SEMA3C: variants seen among roughly 807,000 people sequenced by gnomAD.
The protein encoded by SEMA3C is semaphorin 3C, also known as semaphorin-3C.
In SEMA3C, 47 loss-of-function variants were observed where a neutral mutation model predicts 89.4. That is an observed-to-expected ratio of 0.53 (90% CI 0.42 to 0.67). The LOEUF (loss-of-function observed/expected upper bound fraction) is 0.67, where lower values mean the gene tolerates loss of function less well. Ranked by LOEUF, SEMA3C falls within the 30% of genes least tolerant of loss-of-function variation. The pLI is 0.00. For synonymous variants in SEMA3C, 310 were observed against 320.2 expected (o/e 0.97, Z 0.34); for missense variants, 839 against 929.1 (o/e 0.90, Z 1.26).
chr7:80,765,117 C>T lies in SEMA3C; in HGVS notation c.1443+38G>A. The stretch of plus-strand genomic sequence containing the variant: ...TGTAAGATTAAAGAATTCCACTCAT[C>T]ATGCATGTTCTGAGATTAATAGAAG... On this transcript the variant is annotated intron_variant, in intron 13 of 17. Coordinates refer to ENST00000265361, the MANE Select transcript of SEMA3C (RefSeq NM_006379.5). 3 of 1,392,688 alleles carry T rather than the reference C, an allele frequency of 2.2e-6. No individual in the cohort carries two copies. In the East Asian group the frequency reaches 6.9e-5, roughly 32 times the overall value. The allele number at this position is 1,392,688 out of a possible 1,614,324, so 86.3% of individuals were successfully genotyped here. A position where few individuals can be genotyped will look rare whatever the true frequency, so the allele number is the denominator to read the frequency against.
In SEMA3C at chr7:80,798,094, T is replaced by C. The variant is rs1789110332; in HGVS notation, c.1129A>G (p.Thr377Ala). 1 of 1,598,744 alleles carries C rather than the reference T, an allele frequency of 6.3e-7. No homozygotes were observed. The highest frequency in any genetic ancestry group is 2.2e-5 in the East Asian group (1 of 44,452). The change falls in exon 11 of 18, where the codon ACT (threonine) becomes GCT (alanine). Residue 377 changes from threonine to alanine, a missense_variant and splice_region_variant. Thr to Ala is a moderately conservative substitution (Grantham distance 58). Coordinates refer to ENST00000265361, the MANE Select transcript of SEMA3C (RefSeq NM_006379.5). ...QGRIPYPRPG[T>A]CPGGAFTPNM... ...AAGAATTTTCCCTGGATACTTACAG[T>C]TCCAGGGCGAGGATATGGAATTCTG...
rs536914074 is a variant in SEMA3C at position 80,762,281 on chromosome 7, C to A, written c.1444-624G>T. ...TACACCATCTAATTCCTCCGCAACA[C>A]AAGCACTCTGCATAAGACACTATTG... On this transcript the variant is annotated intron_variant, in intron 13 of 17. Transcript: ENST00000265361. Among the ~76,000 whole-genome samples, 7 of 152,202 alleles carry A rather than the reference C, an allele frequency of 4.6e-5. No individual in the cohort carries two copies. In the South Asian group the frequency reaches 1.5e-3, roughly 32 times the overall value.
chr7:80,888,138 G>A (rs1026844496), intron 2 of SEMA3C, among the ~76,000 whole-genome samples: 1 of 152,164 alleles, frequency 6.6e-6, no homozygotes, highest in African/African-American at 2.4e-5. Context: ...TTGGCCAAGT[G>A]TGGTGGCTCA....
Position 80,808,670 on chromosome 7 carries a change from T to C in SEMA3C, c.538+1941A>G, listed in dbSNP as rs951958313. 1.3e-4 allele frequency among the ~76,000 whole-genome samples: 20 copies of C among 152,112 alleles called. No homozygotes were observed. The South Asian group carries it at 3.3e-3, about 25-fold the overall frequency. On this transcript the variant is annotated intron_variant, in intron 6 of 17. Transcript: ENST00000265361. ...TAATTATTTTTTACCTGTTCTATGG[T>C]TGAAAGATGAAATTTTAATGCTGGC...
chr7:80,810,265 A>T (rs2115713410), intron 6 of SEMA3C, among the ~76,000 whole-genome samples: 1 of 152,294 alleles, frequency 6.6e-6, no homozygotes, highest in Non-Finnish European at 1.5e-5. Flanking sequence ...AAAGAAAAAA[A>T]TACTAAAACA....
At chr7:80,890,309 G>C (rs986759676) in intron 2 of SEMA3C, among the ~76,000 whole-genome samples, 1 of 152,122 alleles carries the variant, frequency 6.6e-6, no homozygotes, top group Non-Finnish European at 1.5e-5. Flanking sequence ...AATGCTGCAA[G>C]CATTCCCAAA....
intron 2 of SEMA3C, among the ~76,000 whole-genome samples, chr7:80,841,879 G>T (rs1301118769): frequency 6.6e-6 from 1 of 152,112 alleles, no homozygotes; most frequent in Non-Finnish European, 1.5e-5. Context: ...TTATTTCAAT[G>T]TGACTCATTG....
intron 12 of SEMA3C, among the ~76,000 whole-genome samples, chr7:80,772,759 T>C (rs1335227158): frequency 6.6e-6 from 1 of 152,194 alleles, no homozygotes; most frequent in Non-Finnish European, 1.5e-5. Flanking sequence ...TTAAAATACT[T>C]TGTTGCATTA....
intron 2 of SEMA3C, among the ~76,000 whole-genome samples, chr7:80,886,834 A>T: frequency 6.6e-6 from 1 of 152,220 alleles, no homozygotes; most frequent in East Asian, 1.9e-4. Flanking sequence ...AATTATGAAT[A>T]ATATGACCGA....
chr7:80,745,380 A>C, intron 17 of SEMA3C, 73 bp from the exon 18 acceptor site: 1 of 1,386,120 alleles, frequency 7.2e-7, no homozygotes, highest in Non-Finnish European at 1.0e-6. Context: ...ACATACACAG[A>C]ATAGTCTCAA....
upstream of SEMA3C, chr7:80,922,218 GC>G (rs1200188298): frequency 1.1e-5 from 14 of 1,275,724 alleles, no homozygotes; most frequent in Middle Eastern, 2.1e-4. Context: ...AAGCGTGATT[GC>G]CGTAATGTCT....
intron 4 of SEMA3C, among the ~76,000 whole-genome samples, chr7:80,823,494 G>C (rs770811465): frequency 5.9e-5 from 9 of 152,040 alleles, no homozygotes; most frequent in Non-Finnish European, 5.9e-5. Context: ...CAGGTGAATA[G>C]GCCTTTAAAA....
Position 80,800,745 on chromosome 7 carries a change from T to C in SEMA3C, c.986+12A>G. On this transcript the variant is annotated intron_variant, in intron 10 of 17. Transcript: ENST00000265361. ...TTGTTTAACTCATAAAATGTAACTG[T>C]TGAATAATTACCTTGATGTTGTAAA... 1 of 1,491,218 alleles carries C rather than the reference T, an allele frequency of 6.7e-7. No individual in the cohort carries two copies. The highest frequency in any genetic ancestry group is 9.1e-7 in the Non-Finnish European group (1 of 1,101,786). The allele number at this position is 1,491,218 out of a possible 1,614,324, so 92.4% of individuals were successfully genotyped here.
Position 80,758,525 on chromosome 7 carries a change from G to C in SEMA3C, c.1486-37C>G, listed in dbSNP as rs374104383. ...ATGATGATGATTTATTTCAGATGTGGAAGTTAAAAGAAGACTTTCAGCAGG... is the reference window on the plus strand; with the variant it reads ...ATGATGATGATTTATTTCAGATGTGCAAGTTAAAAGAAGACTTTCAGCAGG... On this transcript the variant is annotated intron_variant, in intron 14 of 17. Transcript: ENST00000265361. The C allele has an allele frequency of 3.8e-6, 6 of 1,586,650 alleles. No individual in the cohort carries two copies. The African/African-American group carries it at 5.4e-5, about 14-fold the overall frequency.
chr7:80,758,553 C>T (rs1368052802), intron 14 of SEMA3C, 65 bp from the exon 15 acceptor site: 3 of 1,471,620 alleles, frequency 2.0e-6, no homozygotes, highest in Non-Finnish European at 2.9e-6. Context: ...TCAGCAGGAA[C>T]ACATTATAAT....
At chr7:80,871,521 C>G (rs755271231) in intron 2 of SEMA3C, among the ~76,000 whole-genome samples, 1 of 152,150 alleles carries the variant, frequency 6.6e-6, no homozygotes, top group African/African-American at 2.4e-5. Context: ...AGACACTGCT[C>G]GAGGTGCTGA....
At chr7:80,846,139 G>C (rs543826644) in intron 2 of SEMA3C, among the ~76,000 whole-genome samples, 31 of 152,174 alleles carry the variant, frequency 2.0e-4, no homozygotes, top group South Asian at 8.3e-4. Flanking sequence ...CTCATCTAAA[G>C]GGAAAATTTC....
intron 2 of SEMA3C, among the ~76,000 whole-genome samples, chr7:80,901,278 T>C (rs1791873827): frequency 1.3e-5 from 2 of 152,238 alleles, no homozygotes; most frequent in Admixed American, 6.5e-5. Context: ...TCCTTGACTA[T>C]GTGATTCAAC....
At chr7:80,767,825 T>A (rs1023159033) in intron 12 of SEMA3C, among the ~76,000 whole-genome samples, 1 of 152,196 alleles carries the variant, frequency 6.6e-6, no homozygotes, top group African/African-American at 2.4e-5. Flanking sequence ...AGTTGGCTTC[T>A]ATTCCACAGG....
Sources: gnomAD v4.1 joint callset for allele counts (sites outside exome capture counted in the v4.1 genomes callset) on GRCh38, gnomAD v4.1.1 for gene constraint, MANE v1.5 for transcripts, NCBI Gene and HGNC (gene_info 2026-07-23, HGNC 2026-07-21) for gene names.